The following NCAPG2 variants were observed in gnomAD, a reference collection of about 807,000 sequenced individuals.
NCAPG2 encodes the protein non-SMC condensin II complex subunit G2.
In NCAPG2, 53 loss-of-function variants were observed where a neutral mutation model predicts 141.1. That is an observed-to-expected ratio of 0.38 (90% CI 0.30 to 0.47). The LOEUF (loss-of-function observed/expected upper bound fraction) is 0.47, where lower values mean the gene tolerates loss of function less well. Among genes scored for constraint, NCAPG2 ranks in the 20% least tolerant of loss-of-function variants. The probability of loss-of-function intolerance (pLI) is 0.99; values close to 1 mark genes in which losing one functional copy is unlikely to be tolerated. For synonymous variants in NCAPG2, 499 were observed against 490.7 expected (o/e 1.02, Z -0.22); for missense variants, 1,087 against 1,389.0 (o/e 0.78, Z 3.46).
rs200489867 is a variant in NCAPG2, at chr7:158,656,333, T to A, written c.2315A>T (p.Lys772Met). The A allele has an allele frequency of 6.2e-7, 1 of 1,614,214 alleles. No individual in the cohort carries two copies. The highest frequency in any genetic ancestry group is 1.3e-5 in the African/African-American group (1 of 75,056). Reference sequence around the variant, plus strand: ...AGCAGAGAGCAAGCACTCGCGGTTCTTTGGATGAGTCAGCAGATACTCAAT... The same window carrying A: ...AGCAGAGAGCAAGCACTCGCGGTTCATTGGATGAGTCAGCAGATACTCAAT... ...VYIEYLLTHP[K>M]NRECLLSAPR... Residue 772 changes from lysine to methionine, a missense_variant, in exon 19 of 28, where the codon AAG (lysine) becomes ATG (methionine). Physicochemically the swap from Lys to Met is moderately conservative, Grantham distance 95. Coordinates refer to ENST00000356309, the MANE Select transcript of NCAPG2 (RefSeq NM_017760.7).
In NCAPG2 at chr7:158,687,337, T is replaced by A. The variant is rs760572455; in HGVS notation, c.767+11A>T. 6.3e-7 allele frequency: 1 copy of A among 1,587,882 alleles called. No homozygotes were observed. Among genetic ancestry groups the A allele is most frequent in the Non-Finnish European group, 8.6e-7 (1 of 1,162,362 alleles). On this transcript the variant is annotated intron_variant, in intron 7 of 27. Transcript: ENST00000356309. The stretch of plus-strand genomic sequence containing the variant: ...AGACAGCACAAAATCTTCAGTACTT[T>A]TAACACTTACTTTTGTAATCCCTGT...
chr7:158,695,881 G>A (rs962320072), intron 2 of NCAPG2, among the ~76,000 whole-genome samples: 13 of 152,198 alleles, frequency 8.5e-5, no homozygotes, highest in African/African-American at 2.7e-4. Context: ...GCCCTGTGCT[G>A]TACAGAGCGC....
rs757670052 is a variant in NCAPG2 at position 158,655,354 on chromosome 7, G to A, written c.2490C>T (p.Ile830=). ...GCAGGCACACCTTGTGCTGAAGATG[G>A]ATGCTCAGGCGACAGTGGAGACCAA... The part of the protein sequence containing the change: ...RAFGLHCRLS[I]HLQHKFCSEG... Residue 830 remains isoleucine (I), a synonymous_variant, in exon 20 of 28, where the codon ATC becomes ATT. Coordinates refer to ENST00000356309, the MANE Select transcript of NCAPG2 (RefSeq NM_017760.7). 1 of 1,614,182 alleles carries A rather than the reference G, an allele frequency of 6.2e-7. No individual in the cohort carries two copies. The highest frequency in any genetic ancestry group is 1.1e-5 in the South Asian group (1 of 91,084).
chr7:158,667,014 T>C (rs1833014531), intron 13 of NCAPG2: 14 of 551,492 alleles, frequency 2.5e-5, no homozygotes, highest in Non-Finnish European at 3.2e-5. Context: ...TTCCTGCCCA[T>C]AGACAATGCC....
chr7:158,666,286 T>G (rs553362262), intron 13 of NCAPG2, among the ~76,000 whole-genome samples: 70 of 152,140 alleles, frequency 4.6e-4, no homozygotes, highest in Non-Finnish European at 2.9e-5. Flanking sequence ...GAAAGCCTCC[T>G]GGCCACAGGC....
chr7:158,700,257 C>A (rs776133830), intron 2 of NCAPG2, among the ~76,000 whole-genome samples: 1 of 152,136 alleles, frequency 6.6e-6, no homozygotes, highest in Non-Finnish European at 1.5e-5. Context: ...GAGTTAATGC[C>A]TCATTAGTAT....
At chr7:158,678,425 G>A (rs1470855569) in intron 11 of NCAPG2, among the ~76,000 whole-genome samples, 1 of 152,168 alleles carries the variant, frequency 6.6e-6, no homozygotes, top group African/African-American at 2.4e-5. Flanking sequence ...TTTCTTAATG[G>A]TTGGAAAAAA....
At chr7:158,645,439 G>T in intron 26 of NCAPG2, 80 bp downstream of exon 26, 1 of 1,276,280 alleles carries the variant, frequency 7.8e-7, no homozygotes, top group Admixed American at 1.7e-5. Context: ...CAAGTGCAGG[G>T]GCTGATCCCC....
intron 2 of NCAPG2, among the ~76,000 whole-genome samples, chr7:158,701,381 C>T (rs972301771): frequency 1.3e-5 from 2 of 152,218 alleles, no homozygotes; most frequent in Non-Finnish European, 2.9e-5. Context: ...CTCTCTCCTT[C>T]TCTTTTGTTC....
intron 13 of NCAPG2, among the ~76,000 whole-genome samples, chr7:158,670,674 A>T (rs1833628992): frequency 6.6e-6 from 1 of 150,884 alleles, no homozygotes; most frequent in East Asian, 2.0e-4. Flanking sequence ...CTGGTAGCAC[A>T]CCAGGACCAC....
At chr7:158,658,781 C>G (rs1832228921) in intron 16 of NCAPG2, among the ~76,000 whole-genome samples, 2 of 152,158 alleles carry the variant, frequency 1.3e-5, no homozygotes, top group African/African-American at 4.8e-5. Context: ...AAAATTAACT[C>G]TATACACTTG....
At chr7:158,672,282 GTGTGTGTGTGTATATATATATA>G (rs1473639798) in intron 12 of NCAPG2, among the ~76,000 whole-genome samples, 9 of 21,062 alleles carry the variant, frequency 4.3e-4, no homozygotes, top group African/African-American at 1.5e-3. Context: ...AAACACATGT[GTGTGTGTGTGTATATATATATA>G]TATATATATA....
intron 27 of NCAPG2, 89 bp from the exon 28 acceptor site, chr7:158,631,806 G>A (rs1829907572): frequency 2.8e-6 from 3 of 1,064,924 alleles, no homozygotes; most frequent in Non-Finnish European, 4.3e-6. Context: ...TCTAAAAATG[G>A]TTTGCAACCA....
intron 19 of NCAPG2, among the ~76,000 whole-genome samples, chr7:158,655,897 C>T (rs1270411966): frequency 6.6e-6 from 1 of 152,170 alleles, no homozygotes; most frequent in South Asian, 2.1e-4. Flanking sequence ...AAATGCTCTC[C>T]AAACATTCCC....
At chr7:158,636,372 G>A (rs957517727) in intron 27 of NCAPG2, among the ~76,000 whole-genome samples, 12 of 150,962 alleles carry the variant, frequency 7.9e-5, no homozygotes, top group Non-Finnish European at 1.3e-4. Flanking sequence ...ATCCAAATAA[G>A]CCTTCCTTGG....
chr7:158,649,873 C>T (rs1831348969), intron 24 of NCAPG2, among the ~76,000 whole-genome samples: 1 of 151,828 alleles, frequency 6.6e-6, no homozygotes, highest in Admixed American at 6.6e-5. Context: ...CCTGAATATT[C>T]CATGTGGGAA....
chr7:158,645,672 C>T lies in NCAPG2; in HGVS notation c.3180-53G>A, dbSNP rs992234563. 24 of 1,506,236 alleles carry T rather than the reference C, an allele frequency of 1.6e-5. No individual in the cohort carries two copies. In the South Asian group the frequency reaches 2.4e-4, roughly 15 times the overall value. The allele number at this position is 1,506,236 out of a possible 1,614,324, so 93.3% of individuals were successfully genotyped here. The stretch of plus-strand genomic sequence containing the variant: ...TTACTGTATCATATAGACCCTAATA[C>T]ATTATAGCAGAAGTACAGCCAAGGT... On this transcript the variant is annotated intron_variant, in intron 25 of 27. Transcript: ENST00000356309.
Position 158,677,525 on chromosome 7 carries a change from CAAAAAAAA to C in NCAPG2, c.1147-1877_1147-1870del. Among the ~76,000 whole-genome samples, 278 of 90,402 alleles carry C rather than the reference CAAAAAAAA, an allele frequency of 3.1e-3. 2 individuals carry two copies. The highest frequency in any genetic ancestry group is 4.6e-3 in the South Asian group (14 of 3,070). 59.3% of individuals were successfully genotyped at this position (90,402 alleles called of 152,430 possible). ...AGAAAAAAAGATGATAAAAATAAAG[CAAAAAAAA>C]AAAAAAAAAAAAAAACAGAAAAGAA... On this transcript the variant is annotated intron_variant, in intron 11 of 27. Coordinates refer to ENST00000356309, the MANE Select transcript of NCAPG2 (RefSeq NM_017760.7).
chr7:158,703,273 G>C (rs1679363889), intron 1 of NCAPG2, among the ~76,000 whole-genome samples: 1 of 152,170 alleles, frequency 6.6e-6, no homozygotes, highest in African/African-American at 2.4e-5. Context: ...ATGAATAGTG[G>C]CTAGGACAAA....
Sources: allele counts gnomAD v4.1 joint callset (sites outside exome capture counted in the v4.1 genomes callset), GRCh38; gene constraint gnomAD v4.1.1; transcripts MANE v1.5; gene names NCBI Gene and HGNC (gene_info 2026-07-23, HGNC 2026-07-21).